The following APEH variants were observed in gnomAD, a reference collection of about 807,000 sequenced individuals.
The protein encoded by APEH is acylamino-acid-releasing enzyme.
APEH carries 75 observed loss-of-function variants against 102.7 expected under a neutral mutation model. That is an observed-to-expected ratio of 0.73 (90% CI 0.61 to 0.89). APEH has a LOEUF of 0.89. APEH is among the 40% of genes least tolerant of loss of function. The pLI is 0.00. For missense variants in APEH, 863 were observed against 941.2 expected (o/e 0.92, Z 1.09); for synonymous variants, 344 against 362.7 (o/e 0.95, Z 0.59).
In APEH at chr3:49,681,083, ATT is replaced by A. The variant is rs2053297424; in HGVS notation, c.1300-17_1300-16del. On this transcript the variant is annotated splice_polypyrimidine_tract_variant and intron_variant, in intron 14 of 21. Transcript: ENST00000296456. ...GAGGCAGCCAGGCCACCTATGACACATTCTTTCCCCTTGGCAGAAAGTTGGGT... is the reference window on the plus strand; with the variant it reads ...GAGGCAGCCAGGCCACCTATGACACACTTTCCCCTTGGCAGAAAGTTGGGT... 4 of 1,561,244 alleles carry A rather than the reference ATT, an allele frequency of 2.6e-6. No homozygotes were observed. The East Asian group carries it at 9.2e-5, about 36-fold the overall frequency.
intron 13 of APEH, 154 bp from the exon 14 acceptor site, chr3:49,680,387 G>T (rs1012312477): frequency 9.4e-6 from 6 of 641,464 alleles, no homozygotes; most frequent in East Asian, 2.9e-5. Context: ...AGGCTCACCC[G>T]GGGCCATGTG....
In APEH at chr3:49,683,034, A is replaced by T. The variant is rs756461353; in HGVS notation, c.1987-6A>T. The T allele has an allele frequency of 1.9e-6, 3 of 1,612,918 alleles. No individual in the cohort carries two copies. The highest frequency in any genetic ancestry group is 2.5e-6 in the Non-Finnish European group (3 of 1,179,444). The stretch of plus-strand genomic sequence containing the variant: ...CACAGCTCCCCACTCTTCCCCAAAC[A>T]CCCAGGTGAAGACACCACTGTTACT... On this transcript the variant is annotated splice_region_variant and splice_polypyrimidine_tract_variant and intron_variant, in intron 20 of 21. Coordinates refer to ENST00000296456, the MANE Select transcript of APEH (RefSeq NM_001640.4).
chr3:49,675,410 A>G, intron 3 of APEH, 101 bp downstream of exon 3: 1 of 1,508,822 alleles, frequency 6.6e-7, no homozygotes, highest in Non-Finnish European at 9.0e-7. Context: ...GCCAGCAGCC[A>G]GGTTCTTGCC....
In APEH at chr3:49,678,910, C is replaced by T. The variant is rs1368941292; in HGVS notation, c.1119C>T (p.Ser373=). 1.2e-6 allele frequency: 2 copies of T among 1,613,886 alleles called. No individual in the cohort carries two copies. Among genetic ancestry groups the T allele is most frequent in the Non-Finnish European group, 8.5e-7 (1 of 1,179,954 alleles). ...LLPLGCWSAD[S]QRVVFDSAQR... is the part of the protein sequence containing the mutation. ...CTTTGGGATGCTGGTCAGCTGACAG[C>T]CAGAGAGTGGTCTTTGACTCGGCTC... Residue 373 remains serine, a synonymous_variant, in exon 12 of 22, where the codon AGC becomes AGT. Transcript: ENST00000296456.
chr3:49,680,503 G>C, intron 13 of APEH, 38 bp from the exon 14 acceptor site: 3 of 1,557,218 alleles, frequency 1.9e-6, no homozygotes, highest in Non-Finnish European at 2.7e-6. Context: ...AAAGGTGATG[G>C]CTCCTGCTAA....
In APEH at chr3:49,679,989, G is replaced by A; in HGVS notation, c.1210+345G>A. 1 of 262,468 alleles carries A rather than the reference G, an allele frequency of 3.8e-6. No individual in the cohort carries two copies. Among genetic ancestry groups the A allele is most frequent in the South Asian group, 4.3e-5 (1 of 23,292 alleles). The allele number at this position is 262,468 out of a possible 1,614,324, so 16.3% of individuals were successfully genotyped here. On this transcript the variant is annotated intron_variant, in intron 13 of 21. Coordinates refer to ENST00000296456, the MANE Select transcript of APEH (RefSeq NM_001640.4). The surrounding 1 kb of genome is among the most constrained non-coding windows in gnomAD (Gnocchi z 4.3). ...TCATCCTTCTCGCTCTGCAAACCTTGGGTGCCTGTCTCAGGCAGAGGCAGC... is the reference window on the plus strand; with the variant it reads ...TCATCCTTCTCGCTCTGCAAACCTTAGGTGCCTGTCTCAGGCAGAGGCAGC...
In APEH at chr3:49,675,196, G is replaced by A. The variant is rs768218483; in HGVS notation, c.159G>A (p.Arg53=). Residue 53 remains arginine (R), a synonymous_variant, in exon 3 of 22, where the codon AGG becomes AGA. Transcript: ENST00000296456. Reference sequence around the variant, plus strand: ...CTCCCCTCACAGAGTGGACCCAGAGGGACCTGGAACGCATGGAGAACATTC... The same window carrying A: ...CTCCCCTCACAGAGTGGACCCAGAGAGACCTGGAACGCATGGAGAACATTC... The part of the protein sequence containing the change: ...YRTVHTEWTQ[R]DLERMENIRF... 8.2e-5 allele frequency: 132 copies of A among 1,613,932 alleles called. No homozygotes were observed. The highest frequency in any genetic ancestry group is 1.0e-4 in the Non-Finnish European group (122 of 1,179,986).
Position 49,683,887 on chromosome 3 carries a change from C to A in APEH, c.*545C>A. On this transcript the variant is annotated 3_prime_UTR_variant, in exon 22 of 22. Transcript: ENST00000296456. ...CCAGGGTGTGCTGGGCTCAAGCCAC[C>A]CGAGCCCTAGCAAGGAGTCACTGAC... The A allele has an allele frequency of 7.5e-7, 1 of 1,334,786 alleles. No individual in the cohort carries two copies. Among genetic ancestry groups the A allele is most frequent in the Non-Finnish European group, 1.0e-6 (1 of 981,984 alleles). The allele number at this position is 1,334,786 out of a possible 1,614,324, so 82.7% of individuals were successfully genotyped here.
intron 17 of APEH, 71 bp downstream of exon 17, chr3:49,682,038 A>G: frequency 6.7e-7 from 1 of 1,502,404 alleles, no homozygotes; most frequent in Non-Finnish European, 9.3e-7. Flanking sequence ...GGTTTGTATA[A>G]GTACCATGGG....
rs912468483 is a variant in APEH at position 49,676,302 on chromosome 3, C to T, written c.607-76C>T. ...CCTTCCCATACTGTGCCTGTCAGAC[C>T]TGGGGAGGCACTAGCTTTTAGGAAG... On this transcript the variant is annotated intron_variant, in intron 6 of 21. Transcript: ENST00000296456. 2.0e-5 allele frequency: 32 copies of T among 1,611,550 alleles called. No homozygotes were observed. The African/African-American group carries it at 3.3e-4, about 17-fold the overall frequency.
At chr3:49,681,024 C>G in intron 14 of APEH, 77 bp from the exon 15 acceptor site, 1 of 1,493,646 alleles carries the variant, frequency 6.7e-7, no homozygotes, top group Non-Finnish European at 8.9e-7. Flanking sequence ...TGAGAGCTGC[C>G]TATTTCCCAC....
intron 14 of APEH, 135 bp downstream of exon 14, chr3:49,680,764 C>A: frequency 1.2e-6 from 1 of 820,518 alleles, no homozygotes; most frequent in Non-Finnish European, 2.0e-6. Flanking sequence ...CCCAGCTTGG[C>A]ATGGTCCATG....
intron 3 of APEH, 119 bp downstream of exon 3, chr3:49,675,428 G>T: frequency 7.0e-7 from 1 of 1,422,272 alleles, no homozygotes; most frequent in Middle Eastern, 2.3e-4. Context: ...GCCCCCTTGG[G>T]AGCTCATTCA....
rs201571888 is a variant in APEH, at chr3:49,676,458, C to T, written c.687C>T (p.Val229=). 1.9e-5 allele frequency: 30 copies of T among 1,614,222 alleles called. No individual in the cohort carries two copies. Among genetic ancestry groups the T allele is most frequent in the East Asian group, 1.6e-4 (7 of 44,892 alleles). Reference sequence around the variant, plus strand: ...TCCCTGTGCTCTGCGTGCTGGATGTCGAGAGTGGCAACATCTCTGTGCTTG... The same window carrying T: ...TCCCTGTGCTCTGCGTGCTGGATGTTGAGAGTGGCAACATCTCTGTGCTTG... ...KSIPVLCVLD[V]ESGNISVLEG... Residue 229 remains valine, a synonymous_variant, in exon 7 of 22, where the codon GTC becomes GTT. Transcript: ENST00000296456.
At position 49,683,968 on chromosome 3, in the gene APEH, T is replaced by C; in HGVS notation, c.*626T>C. The C allele has an allele frequency of 6.3e-7, 1 of 1,580,170 alleles. No individual in the cohort carries two copies. The highest frequency in any genetic ancestry group is 8.6e-7 in the Non-Finnish European group (1 of 1,163,872). The stretch of plus-strand genomic sequence containing the variant: ...TCTGTACAGGCATAAAGAGGAAACA[T>C]GGCTTTATGTCTGACAAGAAGTTTT... On this transcript the variant is annotated 3_prime_UTR_variant, in exon 22 of 22. Transcript: ENST00000296456.
In APEH at chr3:49,674,546, C is replaced by A; in HGVS notation, c.70C>A (p.Pro24Thr). 6.4e-7 allele frequency: 1 copy of A among 1,565,530 alleles called. No individual in the cohort carries two copies. Among genetic ancestry groups the A allele is most frequent in the Non-Finnish European group, 8.6e-7 (1 of 1,164,292 alleles). The change falls in exon 2 of 22, where the codon CCC becomes ACC. Residue 24 changes from proline (P) to threonine (T), a missense_variant. Transcript: ENST00000296456. ...AALYRGLSRQ[P>T]ALSAACLGPE... ...TCTGTATCGGGGCCTTAGCCGCCAG[C>A]CCGCGCTGAGCGCCGCCTGCCTGGG...
rs2108123844 is a variant in APEH, at chr3:49,679,339, T to G, written c.1159-254T>G. ...CCTTTTGGGTGTGATATTTGGTCCTTGTGCCAACTCAAAGGGGCTCAAAGC... is the reference window on the plus strand; with the variant it reads ...CCTTTTGGGTGTGATATTTGGTCCTGGTGCCAACTCAAAGGGGCTCAAAGC... On this transcript the variant is annotated intron_variant, in intron 12 of 21. Coordinates refer to ENST00000296456, the MANE Select transcript of APEH (RefSeq NM_001640.4). This position sits in a 1 kb window ranked among gnomAD's most constrained non-coding sequence, Gnocchi z 4.3. Among the ~76,000 whole-genome samples, 1 of 152,288 alleles carries G rather than the reference T, an allele frequency of 6.6e-6. No individual in the cohort carries two copies. Among genetic ancestry groups the G allele is most frequent in the African/African-American group, 2.4e-5 (1 of 41,558 alleles).
rs761286314 is a variant in APEH, at chr3:49,675,905, C to T, written c.381C>T (p.Asn127=). 6.2e-7 allele frequency: 1 copy of T among 1,614,156 alleles called. No homozygotes were observed. Residue 127 remains asparagine, a synonymous_variant, in exon 5 of 22, where the codon AAC becomes AAT. Coordinates refer to ENST00000296456, the MANE Select transcript of APEH (RefSeq NM_001640.4). ...EKQFLEVWEK[N]RKLKSFNLSA... ...GATGTCCTCAGGTCTGGGAGAAGAA[C>T]CGGAAGCTCAAGAGCTTCAACCTGT... is the stretch of plus-strand genomic sequence containing the variant.
rs1387222902 is a variant in APEH, at chr3:49,676,659, T to C, written c.795T>C (p.His265=). ...GTGTGGTGTTTGTGGGCTGGTGGCA[T>C]GAGCCCTTCCGGTTGGGCATCCGCT... ...DAGVVFVGWW[H]EPFRLGIRFC... Residue 265 remains histidine (H), a synonymous_variant, in exon 8 of 22, where the codon CAT becomes CAC. Coordinates refer to ENST00000296456, the MANE Select transcript of APEH (RefSeq NM_001640.4). The C allele has an allele frequency of 6.2e-7, 1 of 1,614,148 alleles. No individual in the cohort carries two copies. Among genetic ancestry groups the C allele is most frequent in the Non-Finnish European group, 8.5e-7 (1 of 1,180,052 alleles).
Sources: gnomAD v4.1 joint callset for allele counts (sites outside exome capture counted in the v4.1 genomes callset) on GRCh38, gnomAD v4.1.1 for gene constraint, Gnocchi (gnomAD v3.1) non-coding constraint, MANE v1.5 for transcripts, NCBI Gene and HGNC (gene_info 2026-07-23, HGNC 2026-07-21) for gene names.